Variants in ABCD2 observed in about 807,000 individuals in gnomAD.
The protein encoded by ABCD2 is ATP binding cassette subfamily D member 2.
A neutral mutation model predicts 70.9 loss-of-function variants in ABCD2; 36 were observed. The ratio of observed to expected loss-of-function variants is 0.51; its 90% CI spans 0.39 to 0.67. ABCD2 has a LOEUF of 0.67. Among genes scored for constraint, ABCD2 ranks in the 30% least tolerant of loss-of-function variants. The probability of loss-of-function intolerance (pLI) is 0.00; values close to 1 mark genes in which losing one functional copy is unlikely to be tolerated. For synonymous variants in ABCD2, 304 were observed against 306.9 expected, an observed-to-expected ratio of 0.99 and a Z score of 0.10; for missense variants, 729 against 890.2, an observed-to-expected ratio of 0.82 and a Z score of 2.30.
At chr12:39,583,405 T>G (rs952102306) in intron 7 of ABCD2, among the ~76,000 whole-genome samples, 27 of 152,220 alleles carry the variant, frequency 1.8e-4, no homozygotes, top group African/African-American at 6.3e-4. Context: ...TAAAATACAT[T>G]TAAAATTAAA....
intron 6 of ABCD2, among the ~76,000 whole-genome samples, chr12:39,588,459 A>G (rs1469454390): frequency 6.6e-6 from 1 of 152,230 alleles, no homozygotes; most frequent in East Asian, 1.9e-4. Context: ...CCACGTGAAG[A>G]AGGAGACAGA....
intron 9 of ABCD2, among the ~76,000 whole-genome samples, chr12:39,556,687 C>A (rs1478455762): frequency 6.6e-6 from 1 of 152,074 alleles, no homozygotes; most frequent in Non-Finnish European, 1.5e-5. Flanking sequence ...AGATGGGGTG[C>A]TGCTATAAAG....
intron 9 of ABCD2, among the ~76,000 whole-genome samples, chr12:39,570,466 C>A (rs1448202531): frequency 6.6e-6 from 1 of 152,104 alleles, no homozygotes; most frequent in Non-Finnish European, 1.5e-5. Context: ...AACAAAGTTG[C>A]CAAGAACACA....
At chr12:39,564,166 T>A (rs1248130738) in intron 9 of ABCD2, among the ~76,000 whole-genome samples, 1 of 152,202 alleles carries the variant, frequency 6.6e-6, no homozygotes, top group Admixed American at 6.5e-5. Flanking sequence ...CTGGGTCAAA[T>A]GGTAGTTCTA....
chr12:39,581,749 C>T (rs1415579782), intron 7 of ABCD2, among the ~76,000 whole-genome samples: 2 of 152,238 alleles, frequency 1.3e-5, no homozygotes, highest in East Asian at 1.9e-4. Flanking sequence ...TAATAAATCA[C>T]GTTCTTTGTT....
chr12:39,586,320 G>T, intron 6 of ABCD2, 23 bp from the exon 7 acceptor site: 1 of 1,598,548 alleles, frequency 6.3e-7, no homozygotes, highest in Non-Finnish European at 8.5e-7. Context: ...AAGCACACAA[G>T]AATCCTAGTG....
chr12:39,597,807 T>C (rs1276018495), intron 6 of ABCD2, among the ~76,000 whole-genome samples: 1 of 152,244 alleles, frequency 6.6e-6, no homozygotes. Context: ...TCATATGTCA[T>C]TAATAAAGAT....
At chr12:39,566,761 GGCATTTAGT>G (rs1941355518) in intron 9 of ABCD2, among the ~76,000 whole-genome samples, 1 of 152,002 alleles carries the variant, frequency 6.6e-6, no homozygotes. Context: ...TTCTGTTGTG[GGCATTTAGT>G]GCTATAAATT....
chr12:39,617,249 C>G (rs893533109), intron 1 of ABCD2, 81 bp from the exon 2 acceptor site: 45 of 872,188 alleles, frequency 5.2e-5, no homozygotes, highest in Non-Finnish European at 7.1e-5. Flanking sequence ...ATGGCATTAT[C>G]TATGCATCTT....
At chr12:39,562,493 A>T (rs1941274916) in intron 9 of ABCD2, among the ~76,000 whole-genome samples, 1 of 152,096 alleles carries the variant, frequency 6.6e-6, no homozygotes, top group Non-Finnish European at 1.5e-5. Flanking sequence ...TTCAGAGATT[A>T]AAAAAGAGAA....
chr12:39,547,886 G>C (rs988815565), downstream of ABCD2, among the ~76,000 whole-genome samples: 1 of 151,962 alleles, frequency 6.6e-6, no homozygotes, highest in African/African-American at 2.4e-5. Context: ...ACTTCTAAGG[G>C]GTTGTGTGTG....
intron 6 of ABCD2, among the ~76,000 whole-genome samples, chr12:39,598,035 G>A (rs1158046566): frequency 3.3e-5 from 5 of 152,022 alleles, no homozygotes; most frequent in African/African-American, 7.2e-5. Flanking sequence ...AGCATTCTTC[G>A]TGAAGATTTG....
the ABCD2 span, among the ~76,000 whole-genome samples, chr12:39,532,177 C>T: frequency 6.6e-6 from 1 of 152,154 alleles, no homozygotes; most frequent in Non-Finnish European, 1.5e-5. Flanking sequence ...AAGTGAATGG[C>T]TCATGTGGGT....
intron 9 of ABCD2, among the ~76,000 whole-genome samples, chr12:39,554,731 AGG>A (rs1342954909): frequency 2.0e-5 from 3 of 152,166 alleles, no homozygotes; most frequent in Non-Finnish European, 4.4e-5. Flanking sequence ...AACTTCACAG[AGG>A]TACAGAGATT....
chr12:39,586,192 T>C lies in ABCD2; in HGVS notation c.1752A>G (p.Leu584=). The C allele has an allele frequency of 6.2e-7, 1 of 1,613,494 alleles. No homozygotes were observed. The highest frequency in any genetic ancestry group is 8.5e-7 in the Non-Finnish European group (1 of 1,179,580). ...CTATGTGATAGAGATGGACATTGTG[T>C]AGGATACGTTCCAGATCTTGGTCTG... The part of the protein sequence containing the change: ...GYTDQDLERI[L]HNVHLYHIVQ... Residue 584 remains leucine, a synonymous_variant, in exon 7 of 10, where the codon CTA becomes CTG. Coordinates refer to ENST00000308666, the MANE Select transcript of ABCD2 (RefSeq NM_005164.4).
chr12:39,615,374 A>T (rs1190858001), intron 2 of ABCD2, among the ~76,000 whole-genome samples: 1 of 152,012 alleles, frequency 6.6e-6, no homozygotes, highest in Non-Finnish European at 1.5e-5. Context: ...TTTTTTGGTA[A>T]AACTAATATT....
chr12:39,568,032 C>A (rs11172643), intron 9 of ABCD2, among the ~76,000 whole-genome samples: 7 of 150,682 alleles, frequency 4.6e-5, no homozygotes, highest in Admixed American at 2.0e-4. Flanking sequence ...TGGGTAACCC[C>A]ACCTTTCTCT....
At chr12:39,610,762 AT>A (rs1942034346) in intron 2 of ABCD2, among the ~76,000 whole-genome samples, 1 of 152,212 alleles carries the variant, frequency 6.6e-6, no homozygotes, top group South Asian at 2.1e-4. Flanking sequence ...CAATAAAATA[AT>A]AAAAGCTTCC....
At chr12:39,541,782 C>T in the ABCD2 span, among the ~76,000 whole-genome samples, 3 of 152,290 alleles carry the variant, frequency 2.0e-5, no homozygotes, top group East Asian at 5.8e-4. Flanking sequence ...TGAATAAATA[C>T]ATTGTGCTGT....
Sources: allele counts gnomAD v4.1 joint callset (sites outside exome capture counted in the v4.1 genomes callset), GRCh38; gene constraint gnomAD v4.1.1; transcripts MANE v1.5; gene names NCBI Gene and HGNC (gene_info 2026-07-23, HGNC 2026-07-21).